Variants in LCORL observed in about 807,000 individuals in gnomAD.
The protein encoded by LCORL is ligand-dependent nuclear receptor corepressor-like protein.
A neutral mutation model predicts 141.8 loss-of-function variants in LCORL; 41 were observed. That is an observed-to-expected ratio of 0.29 (90% confidence interval 0.23 to 0.38). LCORL has a LOEUF of 0.38. LCORL is among the 10% of genes least tolerant of loss of function. LCORL has a pLI of 1.00. For synonymous variants in LCORL, 618 were observed against 694.1 expected, an observed-to-expected ratio of 0.89 and a Z score of 1.72; for missense variants, 1,759 against 2,035.0, an observed-to-expected ratio of 0.86 and a Z score of 2.61.
intron 1 of LCORL, among the ~76,000 whole-genome samples, chr4:17,997,781 G>A (rs1371832070): frequency 7.2e-6 from 1 of 138,002 alleles, no homozygotes; most frequent in African/African-American, 3.2e-5. Flanking sequence ...ATTATTGTTT[G>A]TTTGTTAGTA....
intron 7 of LCORL, among the ~76,000 whole-genome samples, chr4:17,855,768 G>A (rs920358416): frequency 9.2e-5 from 14 of 152,112 alleles, no homozygotes; most frequent in African/African-American, 3.4e-4. Flanking sequence ...ACATATGAGG[G>A]AGCCCAGCCA....
At chr4:17,845,804 T>C in exon 8 of LCORL, 1 of 1,613,608 alleles carries the variant, frequency 6.2e-7, no homozygotes, top group Non-Finnish European at 8.5e-7. Flanking sequence ...TTCCATTCAA[T>C]GGGACGATTA....
At chr4:17,901,941 TGTGTAC>T (rs1276898313) in intron 5 of LCORL, among the ~76,000 whole-genome samples, 2 of 152,068 alleles carry the variant, frequency 1.3e-5, no homozygotes, top group Non-Finnish European at 2.9e-5. Flanking sequence ...TGTGTGTGTC[TGTGTAC>T]ATCCAATATG....
chr4:18,013,681 C>T (rs1296659927), intron 1 of LCORL, among the ~76,000 whole-genome samples: 1 of 152,186 alleles, frequency 6.6e-6, no homozygotes, highest in Non-Finnish European at 1.5e-5. Context: ...ATGAAGACTA[C>T]TGGACAAAAT....
chr4:17,874,237 C>T, exon 7 of LCORL: 1 of 1,233,906 alleles, frequency 8.1e-7, no homozygotes, highest in Non-Finnish European at 1.0e-6. Flanking sequence ...TTACTTTTCA[C>T]ATTTAAGAGT....
chr4:17,919,570 G>C (rs2109365964), intron 4 of LCORL, among the ~76,000 whole-genome samples: 1 of 152,120 alleles, frequency 6.6e-6, no homozygotes, highest in East Asian at 1.9e-4. Flanking sequence ...ACCTATAAAA[G>C]TTATGTTTAC....
intron 1 of LCORL, among the ~76,000 whole-genome samples, chr4:17,984,365 C>A (rs180952874): frequency 1.3e-5 from 2 of 152,212 alleles, no homozygotes; most frequent in African/African-American, 4.8e-5. Flanking sequence ...GTTTGTGTAT[C>A]TGGTAGAATT....
chr4:17,881,114 G>A (rs947988559), intron 6 of LCORL: 6 of 982,088 alleles, frequency 6.1e-6, no homozygotes, highest in Non-Finnish European at 7.2e-6. Context: ...ACTTTACTGA[G>A]CAGTAGTTTT....
chr4:17,856,294 G>C (rs1724359381), intron 7 of LCORL, among the ~76,000 whole-genome samples: 1 of 152,158 alleles, frequency 6.6e-6, no homozygotes, highest in South Asian at 2.1e-4. Flanking sequence ...CTGTATTTGG[G>C]GATAGGACCT....
At chr4:17,915,849 A>G (rs548680745) in intron 4 of LCORL, among the ~76,000 whole-genome samples, 1 of 152,208 alleles carries the variant, frequency 6.6e-6, no homozygotes, top group Non-Finnish European at 1.5e-5. Flanking sequence ...GAACTGTGAT[A>G]TGGTTTAGAT....
chr4:17,941,304 ATATGCATATATAC>A (rs1560377907), intron 4 of LCORL, among the ~76,000 whole-genome samples: 2 of 152,112 alleles, frequency 1.3e-5, no homozygotes, highest in African/African-American at 4.8e-5. Context: ...CATATACACT[ATATGCATATATAC>A]TATATATGCA....
At chr4:17,895,132 G>A (rs1729717683) in intron 5 of LCORL, among the ~76,000 whole-genome samples, 1 of 151,908 alleles carries the variant, frequency 6.6e-6, no homozygotes, top group South Asian at 2.1e-4. Context: ...ACAGTAATCA[G>A]TGTAATTAGC....
intron 2 of LCORL, among the ~76,000 whole-genome samples, chr4:17,966,134 T>A (rs1714814553): frequency 6.6e-6 from 1 of 152,082 alleles, no homozygotes; most frequent in South Asian, 2.1e-4. Context: ...CATAATCCCA[T>A]CATCCGTAGA....
At chr4:18,007,838 G>A (rs1723068757) in intron 1 of LCORL, among the ~76,000 whole-genome samples, 1 of 152,094 alleles carries the variant, frequency 6.6e-6, no homozygotes, top group East Asian at 1.9e-4. Flanking sequence ...AGACAAGCAA[G>A]CTAATATGTA....
chr4:17,859,968 A>G (rs531223541), intron 7 of LCORL, among the ~76,000 whole-genome samples: 1 of 152,340 alleles, frequency 6.6e-6, no homozygotes. Context: ...CTGTTCAAAG[A>G]CATCAGAGAT....
chr4:17,975,156 A>G (rs13127416), intron 1 of LCORL, among the ~76,000 whole-genome samples: 36,021 of 151,816 alleles, frequency 0.24, 5,455 homozygotes, highest in African/African-American at 0.43. Context: ...TTTAAGGTGG[A>G]AGCCTAGATC....
chr4:17,953,359 AC>A (rs1711858856), intron 4 of LCORL, among the ~76,000 whole-genome samples: 1 of 152,196 alleles, frequency 6.6e-6, no homozygotes, highest in African/African-American at 2.4e-5. Context: ...TTACACTCCC[AC>A]CAGCAGTGTG....
At chr4:17,910,663 A>C (rs1732376017) in intron 4 of LCORL, among the ~76,000 whole-genome samples, 1 of 152,160 alleles carries the variant, frequency 6.6e-6, no homozygotes, top group Non-Finnish European at 1.5e-5. Flanking sequence ...TTCAAAATAC[A>C]CTATTTGGAG....
intron 4 of LCORL, among the ~76,000 whole-genome samples, chr4:17,922,701 G>C (rs1191830866): frequency 2.0e-5 from 3 of 152,088 alleles, no homozygotes; most frequent in Admixed American, 6.5e-5. Context: ...ACACAGCCTC[G>C]CAAGGTATCT....
Sources: allele counts gnomAD v4.1 joint callset (sites outside exome capture counted in the v4.1 genomes callset), GRCh38; gene constraint gnomAD v4.1.1; transcripts MANE v1.5; gene names NCBI Gene and HGNC (gene_info 2026-07-23, HGNC 2026-07-21).